BBX: variants seen among roughly 807,000 people sequenced by gnomAD.
BBX encodes HMG box transcription factor BBX.
In BBX, 30 loss-of-function variants were observed where a neutral mutation model predicts 100.2. The observed-to-expected ratio is 0.30, with a 90% confidence interval of 0.22 to 0.41. BBX has a LOEUF of 0.41. Among genes scored for constraint, BBX ranks in the 10% least tolerant of loss-of-function variants. BBX has a pLI of 1.00. For synonymous variants in BBX, 376 were observed against 388.1 expected, an observed-to-expected ratio of 0.97 and a Z score of 0.37; for missense variants, 1,023 against 1,129.8, an observed-to-expected ratio of 0.91 and a Z score of 1.35.
At chr3:107,597,730 C>A (rs1301037763) in intron 2 of BBX, among the ~76,000 whole-genome samples, 1 of 152,138 alleles carries the variant, frequency 6.6e-6, no homozygotes, top group Admixed American at 6.5e-5. Flanking sequence ...TTATTCTAAA[C>A]AAAGAATTGG....
chr3:107,601,935 G>A (rs185660439), intron 2 of BBX, among the ~76,000 whole-genome samples: 33 of 152,322 alleles, frequency 2.2e-4, no homozygotes, highest in Middle Eastern at 3.4e-3. Flanking sequence ...AGGTGCTAAT[G>A]CAGCTGGTGA....
intron 10 of BBX, among the ~76,000 whole-genome samples, chr3:107,760,895 T>C (rs1338256362): frequency 2.0e-5 from 3 of 152,180 alleles, no homozygotes; most frequent in African/African-American, 7.2e-5. Context: ...CAAATAAATA[T>C]AGATTTCTGA....
chr3:107,792,432 G>A (rs896261008), intron 15 of BBX, among the ~76,000 whole-genome samples: 1 of 152,162 alleles, frequency 6.6e-6, no homozygotes, highest in Non-Finnish European at 1.5e-5. Flanking sequence ...CACAATTGAC[G>A]TAAGTCACTT....
chr3:107,717,777 A>G (rs764778756), intron 5 of BBX, among the ~76,000 whole-genome samples: 2 of 152,152 alleles, frequency 1.3e-5, no homozygotes, highest in Non-Finnish European at 2.9e-5. Context: ...ATGTATTGTG[A>G]TGGATTTAGC....
intron 9 of BBX, among the ~76,000 whole-genome samples, chr3:107,754,673 C>G (rs941547217): frequency 6.6e-6 from 1 of 152,138 alleles, no homozygotes; most frequent in Non-Finnish European, 1.5e-5. Flanking sequence ...GATATAGTCA[C>G]AAGCAGGATT....
At chr3:107,651,518 G>C (rs1158575212) in intron 3 of BBX, among the ~76,000 whole-genome samples, 1 of 152,144 alleles carries the variant, frequency 6.6e-6, no homozygotes, top group African/African-American at 2.4e-5. Flanking sequence ...TGAAAATTAA[G>C]TTGAACAAGA....
At chr3:107,647,657 G>C (rs895993206) in intron 3 of BBX, among the ~76,000 whole-genome samples, 5 of 152,146 alleles carry the variant, frequency 3.3e-5, no homozygotes, top group African/African-American at 1.2e-4. Context: ...ATGTTACTTG[G>C]CAAAAGGATG....
intron 3 of BBX, among the ~76,000 whole-genome samples, chr3:107,705,757 G>T (rs1177295273): frequency 6.6e-6 from 1 of 152,140 alleles, no homozygotes; most frequent in African/African-American, 2.4e-5. Context: ...ACTGTGCTGG[G>T]TATTACATGT....
intron 2 of BBX, among the ~76,000 whole-genome samples, chr3:107,550,114 A>G (rs1403750593): frequency 2.0e-5 from 3 of 152,112 alleles, no homozygotes; most frequent in South Asian, 2.1e-4. Flanking sequence ...TACAAAGTAG[A>G]TAAGGATAGG....
chr3:107,771,600 A>AT, intron 10 of BBX, among the ~76,000 whole-genome samples: 1 of 152,210 alleles, frequency 6.6e-6, no homozygotes, highest in Non-Finnish European at 1.5e-5. Context: ...GAAATAAACT[A>AT]TTTAAGACTA....
intron 6 of BBX, among the ~76,000 whole-genome samples, chr3:107,729,742 CA>C: frequency 6.6e-6 from 1 of 152,024 alleles, no homozygotes; most frequent in Non-Finnish European, 1.5e-5. Flanking sequence ...GTATTAGAAG[CA>C]AATTTTCTTC....
In BBX at chr3:107,755,653, A is replaced by G. The variant is rs772990530; in HGVS notation, c.881A>G (p.Lys294Arg). Reference protein sequence around the residue: ...GGAEPVKRCGKSALFQLAEMC... With the variant: ...GGAEPVKRCGRSALFQLAEMC... ...GCTGAGCCTGTAAAACGCTGTGGAA[A>G]GTCTGCACTCTTTCAACTGGCAGAG... The change falls in exon 10 of 18, where the codon AAG (lysine) becomes AGG (arginine). Residue 294 changes from lysine to arginine, a missense_variant. Physicochemically the swap from Lys to Arg is conservative, Grantham distance 26. Transcript: ENST00000325805. The G allele has an allele frequency of 6.2e-7, 1 of 1,613,968 alleles. No homozygotes were observed. The highest frequency in any genetic ancestry group is 1.7e-5 in the Admixed American group (1 of 60,022).
At chr3:107,751,149 C>T (rs2065046132) in intron 9 of BBX, among the ~76,000 whole-genome samples, 1 of 152,096 alleles carries the variant, frequency 6.6e-6, no homozygotes, top group East Asian at 1.9e-4. Context: ...TCTGGAACTT[C>T]ACGGTGGAAG....
chr3:107,631,747 A>C (rs1049478237), intron 2 of BBX, among the ~76,000 whole-genome samples: 4 of 152,154 alleles, frequency 2.6e-5, no homozygotes, highest in Non-Finnish European at 4.4e-5. Flanking sequence ...TTAGCTACGG[A>C]AGACTCTTTA....
intron 2 of BBX, among the ~76,000 whole-genome samples, chr3:107,613,941 GTTTTTTTTTTTTTT>G (rs533672871): frequency 3.5e-5 from 3 of 86,586 alleles, no homozygotes; most frequent in South Asian, 7.1e-4. Context: ...ACATACCATG[GTTTTTTTTTTTTTT>G]TTTTTTTTTT....
chr3:107,700,167 T>C (rs1013319419), intron 3 of BBX, among the ~76,000 whole-genome samples: 2 of 151,452 alleles, frequency 1.3e-5, no homozygotes, highest in Non-Finnish European at 2.9e-5. Flanking sequence ...ACTGAAGGAG[T>C]AGAATAAACT....
Position 107,655,832 on chromosome 3 carries a change from C to T in BBX, c.-10+9923C>T, listed in dbSNP as rs1003130268. Among the ~76,000 whole-genome samples, 14 of 151,904 alleles carry T rather than the reference C, an allele frequency of 9.2e-5. 1 individual carries two copies. Among genetic ancestry groups the T allele is most frequent in the African/African-American group, 3.4e-4 (14 of 41,362 alleles). ...TCTCCTGCCTCAGCCTCCCAAGTAG[C>T]TGGGACTACAGGCGCCCACCACCAT... On this transcript the variant is annotated intron_variant, in intron 3 of 17. Transcript: ENST00000325805.
At chr3:107,565,632 G>T (rs1404642215) in intron 2 of BBX, among the ~76,000 whole-genome samples, 1 of 151,446 alleles carries the variant, frequency 6.6e-6, no homozygotes, top group African/African-American at 2.4e-5. Context: ...ACCATGCCCG[G>T]ATAATTTTTG....
At chr3:107,637,805 G>A (rs2056941745) in intron 2 of BBX, among the ~76,000 whole-genome samples, 1 of 152,156 alleles carries the variant, frequency 6.6e-6, no homozygotes, top group Non-Finnish European at 1.5e-5. Context: ...CGTCAGCTAT[G>A]GAAATGTGAT....
Sources: gnomAD v4.1 joint callset for allele counts (sites outside exome capture counted in the v4.1 genomes callset) on GRCh38, gnomAD v4.1.1 for gene constraint, MANE v1.5 for transcripts, NCBI Gene and HGNC (gene_info 2026-07-23, HGNC 2026-07-21) for gene names.